The following ZFHX3 variants were observed in gnomAD, a reference collection of about 807,000 sequenced individuals.
ZFHX3 encodes zinc finger homeobox 3.
Under a neutral mutation model 279.1 loss-of-function variants are expected in ZFHX3, and 42 were observed. The ratio of observed to expected loss-of-function variants is 0.15; its 90% CI spans 0.12 to 0.19. The LOEUF (loss-of-function observed/expected upper bound fraction) is 0.19, where lower values mean the gene tolerates loss of function less well. ZFHX3 is among the 10% of genes least tolerant of loss of function. The pLI is 1.00. For synonymous variants in ZFHX3, 2,293 were observed against 1,957.8 expected (o/e 1.17, Z -4.52); for missense variants, 4,981 against 4,754.0 (o/e 1.05, Z -1.40).
intron 4 of ZFHX3, among the ~76,000 whole-genome samples, chr16:73,303,069 C>T (rs2015096314): frequency 1.3e-5 from 2 of 151,672 alleles, no homozygotes; most frequent in Non-Finnish European, 2.9e-5. Context: ...TGCTCTGTTG[C>T]CCAGCCTGGA....
chr16:73,732,011 C>T (rs1291968325), intron 1 of ZFHX3, among the ~76,000 whole-genome samples: 1 of 152,132 alleles, frequency 6.6e-6, no homozygotes, highest in Non-Finnish European at 1.5e-5. Context: ...CAGGCTTTGG[C>T]ATGTTTTTAT....
chr16:73,339,306 C>A (rs2015984525), intron 3 of ZFHX3, among the ~76,000 whole-genome samples: 1 of 152,174 alleles, frequency 6.6e-6, no homozygotes, highest in African/African-American at 2.4e-5. Flanking sequence ...TTGTGCCTAT[C>A]TCTCTTCTCT....
chr16:73,799,770 G>T (rs1960090813), intron 1 of ZFHX3, among the ~76,000 whole-genome samples: 1 of 152,140 alleles, frequency 6.6e-6, no homozygotes, highest in Non-Finnish European at 1.5e-5. Flanking sequence ...TTCCAGCTAA[G>T]CTGTGAAGAA....
chr16:73,022,091 A>G (rs1964319570), intron 1 of ZFHX3, among the ~76,000 whole-genome samples: 1 of 152,124 alleles, frequency 6.6e-6, no homozygotes, highest in Non-Finnish European at 1.5e-5. Context: ...ACATCATCCA[A>G]AATACTATAA....
intron 3 of ZFHX3, 96 bp from the exon 4 acceptor site, chr16:72,890,058 G>T: frequency 1.8e-6 from 2 of 1,107,210 alleles, no homozygotes; most frequent in Non-Finnish European, 2.6e-6. Context: ...CCAGAGGCAT[G>T]CCTCCAGGGG....
chr16:73,515,107 C>T (rs1335073141), intron 2 of ZFHX3, among the ~76,000 whole-genome samples: 1 of 152,180 alleles, frequency 6.6e-6, no homozygotes, highest in Admixed American at 6.5e-5. Context: ...CTTGCACAGG[C>T]CAGGAAATGT....
Position 72,889,957 on chromosome 16 carries a change from C to T in ZFHX3, c.3222G>A (p.Leu1074=), listed in dbSNP as rs769695100. 1.2e-6 allele frequency: 2 copies of T among 1,612,740 alleles called. No individual in the cohort carries two copies. Among genetic ancestry groups the T allele is most frequent in the Non-Finnish European group, 1.7e-6 (2 of 1,179,690 alleles). Residue 1074 remains leucine (L), a synonymous_variant, in exon 4 of 10, where the codon CTG becomes CTA. Transcript: ENST00000268489. ...CTTCTACACCACTCTCATGCTGCTGCAGGTGCTGCAAGTAACAAAAGAGAA... is the reference window on the plus strand; with the variant it reads ...CTTCTACACCACTCTCATGCTGCTGTAGGTGCTGCAAGTAACAAAAGAGAA... ...HEASLKLYKH[L]QQHESGVEGE...
chr16:73,172,931 G>GTTTTTTTTTTTT (rs376709821), intron 5 of ZFHX3, among the ~76,000 whole-genome samples: 18 of 97,152 alleles, frequency 1.9e-4, no homozygotes, highest in South Asian at 3.9e-4. Context: ...GCTGCCTGTG[G>GTTTTTTTTTTTT]TTTTTTTTTT....
At chr16:73,275,897 C>A (rs993824271) in intron 4 of ZFHX3, among the ~76,000 whole-genome samples, 4 of 152,054 alleles carry the variant, frequency 2.6e-5, no homozygotes, top group African/African-American at 9.7e-5. Flanking sequence ...TTTTGCTTAG[C>A]CTTACAGTGA....
intron 1 of ZFHX3, among the ~76,000 whole-genome samples, chr16:72,979,245 G>C (rs1597047616): frequency 6.6e-6 from 1 of 152,272 alleles, no homozygotes; most frequent in East Asian, 1.9e-4. Flanking sequence ...ACCACAGGTG[G>C]GCTTCTCTTC....
At chr16:73,326,099 A>T (rs937921727) in intron 3 of ZFHX3, among the ~76,000 whole-genome samples, 1 of 152,188 alleles carries the variant, frequency 6.6e-6, no homozygotes, top group Non-Finnish European at 1.5e-5. Flanking sequence ...ACAGATGGAG[A>T]GATAGAAGCT....
chr16:73,638,345 T>C (rs1038367820), intron 2 of ZFHX3, among the ~76,000 whole-genome samples: 7 of 152,200 alleles, frequency 4.6e-5, no homozygotes, highest in African/African-American at 1.7e-4. Flanking sequence ...ACAGAATGGA[T>C]TGTCAAGGAG....
intron 7 of ZFHX3, among the ~76,000 whole-genome samples, chr16:73,114,598 G>C (rs1415676681): frequency 1.3e-5 from 2 of 152,018 alleles, no homozygotes; most frequent in Non-Finnish European, 2.9e-5. Context: ...AGGATCCCTT[G>C]AGCCCAGGAG....
intron 2 of ZFHX3, among the ~76,000 whole-genome samples, chr16:72,956,934 G>T (rs958472195): frequency 1.3e-5 from 2 of 152,024 alleles, no homozygotes. Context: ...TCAGCCTTTA[G>T]TTATCTGAAT....
intron 1 of ZFHX3, among the ~76,000 whole-genome samples, chr16:73,708,524 T>C (rs1200033570): frequency 6.6e-6 from 1 of 152,212 alleles, no homozygotes; most frequent in Non-Finnish European, 1.5e-5. Context: ...AAGAAGAATG[T>C]TCTAGTTCAT....
rs571224636 is a variant in ZFHX3, at chr16:73,178,418, C to T, written c.-1103-34587G>A. On this transcript the variant is annotated intron_variant, in intron 5 of 17. Transcript: ENST00000641206. Reference sequence around the variant, plus strand: ...ACTCCCAAAGTGCTGGGATCGCAGGCGTGAGCCACCGCGCCTGACCATAGA... The same window carrying T: ...ACTCCCAAAGTGCTGGGATCGCAGGTGTGAGCCACCGCGCCTGACCATAGA... Among the ~76,000 whole-genome samples the T allele has an allele frequency of 2.6e-5, 4 of 152,240 alleles. No individual in the cohort carries two copies. In the South Asian group the frequency reaches 8.3e-4, roughly 32 times the overall value.
chr16:73,647,238 T>A (rs1488869705), intron 2 of ZFHX3, among the ~76,000 whole-genome samples: 4 of 152,110 alleles, frequency 2.6e-5, no homozygotes, highest in East Asian at 1.9e-4. Flanking sequence ...GGTCTCAATC[T>A]CCTGACCTTG....
chr16:73,784,791 AAAAAAATAT>A (rs1224721683), intron 1 of ZFHX3, among the ~76,000 whole-genome samples: 4 of 114,490 alleles, frequency 3.5e-5, no homozygotes, highest in African/African-American at 1.4e-4. Flanking sequence ...CAAAATAAAA[AAAAAAATAT>A]ATATATATAT....
At chr16:73,440,553 T>C (rs979962525) in intron 3 of ZFHX3, among the ~76,000 whole-genome samples, 10 of 152,268 alleles carry the variant, frequency 6.6e-5, no homozygotes, top group African/African-American at 2.4e-4. Context: ...GCTTCATTTC[T>C]GACAGATTGA....
Sources: gnomAD v4.1 joint callset for allele counts (sites outside exome capture counted in the v4.1 genomes callset) on GRCh38, gnomAD v4.1.1 for gene constraint, MANE v1.5 for transcripts, NCBI Gene and HGNC (gene_info 2026-07-23, HGNC 2026-07-21) for gene names.